MACROD2: variants seen among roughly 807,000 people sequenced by gnomAD.
The protein encoded by MACROD2 is mono-ADP ribosylhydrolase 2.
In MACROD2, 36 loss-of-function variants were observed where a neutral mutation model predicts 70.4. The ratio of observed to expected loss-of-function variants is 0.51; its 90% CI spans 0.39 to 0.68. The LOEUF is 0.68. Ranked by LOEUF, MACROD2 falls within the 30% of genes least tolerant of loss-of-function variation. The pLI is 0.00. For missense variants in MACROD2, 496 were observed against 538.4 expected (o/e 0.92, Z 0.78); for synonymous variants, 172 against 178.8 (o/e 0.96, Z 0.30).
At chr20:15,852,770 T>G (rs911221583) in intron 8 of MACROD2, among the ~76,000 whole-genome samples, 4 of 152,190 alleles carry the variant, frequency 2.6e-5, no homozygotes, top group Non-Finnish European at 2.9e-5. Context: ...CATGGCCTAT[T>G]TTCATGAATG....
At chr20:15,246,762 T>C (rs1309876932) in intron 6 of MACROD2, among the ~76,000 whole-genome samples, 1 of 152,210 alleles carries the variant, frequency 6.6e-6, no homozygotes, top group Non-Finnish European at 1.5e-5. Flanking sequence ...TATAAACTTA[T>C]ACACTAATGT....
intron 5 of MACROD2, among the ~76,000 whole-genome samples, chr20:15,030,558 T>C (rs956655700): frequency 2.0e-5 from 3 of 152,216 alleles, no homozygotes; most frequent in African/African-American, 7.2e-5. Context: ...TTTATTGGCA[T>C]CTTTCTCTCA....
At chr20:14,014,118 TA>T (rs1298728271) in intron 2 of MACROD2, among the ~76,000 whole-genome samples, 2 of 152,210 alleles carry the variant, frequency 1.3e-5, no homozygotes, top group Non-Finnish European at 2.9e-5. Flanking sequence ...ATTATGTTAG[TA>T]AATAAGGATT....
chr20:15,164,722 C>T (rs950042080), intron 5 of MACROD2, among the ~76,000 whole-genome samples: 4 of 152,004 alleles, frequency 2.6e-5, no homozygotes, highest in Admixed American at 6.6e-5. Context: ...ATAGCAAGAC[C>T]TTGTCTCTAC....
Position 15,200,916 on chromosome 20 carries a change from A to G in MACROD2, c.419-29024A>G, listed in dbSNP as rs1010118595. Among the ~76,000 whole-genome samples, 10 of 152,288 alleles carry G rather than the reference A, an allele frequency of 6.6e-5. No homozygotes were observed. In the East Asian group the frequency reaches 1.9e-3, roughly 29 times the overall value. On this transcript the variant is annotated intron_variant, in intron 5 of 17. Transcript: ENST00000684519. Reference sequence around the variant, plus strand: ...ACACTTTGAGTAACAAGGGGTTAGAAGCAAATTATCAACTGGGAGTACATA... The same window carrying G: ...ACACTTTGAGTAACAAGGGGTTAGAGGCAAATTATCAACTGGGAGTACATA...
chr20:15,499,655 T>G, intron 7 of MACROD2, 119 bp from the exon 8 acceptor site: 1 of 823,858 alleles, frequency 1.2e-6, no homozygotes, highest in African/African-American at 1.7e-5. Context: ...CTGAGGCCTG[T>G]ACTTATTGGT....
chr20:15,088,260 T>A (rs1196253179), intron 5 of MACROD2, among the ~76,000 whole-genome samples: 12 of 151,534 alleles, frequency 7.9e-5, no homozygotes, highest in Admixed American at 7.9e-4. Flanking sequence ...ACAATCTGAG[T>A]GTCTTTTGGT....
chr20:14,571,594 C>T (rs986792895), intron 4 of MACROD2, among the ~76,000 whole-genome samples: 23 of 151,948 alleles, frequency 1.5e-4, no homozygotes, highest in African/African-American at 3.6e-4. Context: ...TTGGAGCATG[C>T]GTAGCAAAGA....
chr20:15,540,094 A>G (rs1016845719), intron 8 of MACROD2, among the ~76,000 whole-genome samples: 17 of 152,216 alleles, frequency 1.1e-4, no homozygotes, highest in Admixed American at 7.2e-4. Flanking sequence ...TTGGGCATAG[A>G]GAAGAGTAGG....
At chr20:14,377,349 A>G (rs1198546928) in intron 3 of MACROD2, among the ~76,000 whole-genome samples, 1 of 152,208 alleles carries the variant, frequency 6.6e-6, no homozygotes, top group Non-Finnish European at 1.5e-5. Context: ...GGGATGCTCT[A>G]ATGAGTTGCA....
At chr20:15,233,046 A>G (rs993009747) in intron 6 of MACROD2, among the ~76,000 whole-genome samples, 9 of 151,976 alleles carry the variant, frequency 5.9e-5, no homozygotes, top group Non-Finnish European at 1.3e-4. Flanking sequence ...TCTTATGACC[A>G]CCTAGACAAA....
At chr20:15,146,084 T>C (rs1450254367) in intron 5 of MACROD2, among the ~76,000 whole-genome samples, 1 of 152,184 alleles carries the variant, frequency 6.6e-6, no homozygotes, top group Non-Finnish European at 1.5e-5. Flanking sequence ...GAGCTTTCAA[T>C]CTCATACAGC....
chr20:14,792,384 T>G (rs1158135753), intron 5 of MACROD2, among the ~76,000 whole-genome samples: 1 of 152,120 alleles, frequency 6.6e-6, no homozygotes, highest in Non-Finnish European at 1.5e-5. Flanking sequence ...CACTCCAGTG[T>G]CAGTGCCAGG....
intron 8 of MACROD2, among the ~76,000 whole-genome samples, chr20:15,758,504 T>A (rs2051383303): frequency 6.6e-6 from 1 of 151,438 alleles, no homozygotes; most frequent in Non-Finnish European, 1.5e-5. Flanking sequence ...CCTCCCAAAG[T>A]GCTGGGATTA....
chr20:15,470,352 T>C (rs1246992196), intron 7 of MACROD2, among the ~76,000 whole-genome samples: 2 of 152,188 alleles, frequency 1.3e-5, no homozygotes, highest in Non-Finnish European at 2.9e-5. Context: ...CCCAGCCCTT[T>C]CTGTACAATT....
intron 5 of MACROD2, among the ~76,000 whole-genome samples, chr20:15,184,136 C>G (rs1312067379): frequency 2.6e-5 from 4 of 152,174 alleles, no homozygotes; most frequent in Admixed American, 2.6e-4. Context: ...GTTTATAATA[C>G]TGTGCGGACC....
intron 1 of MACROD2, among the ~76,000 whole-genome samples, chr20:14,000,981 T>C (rs1053819653): frequency 2.5e-4 from 38 of 152,218 alleles, no homozygotes; most frequent in African/African-American, 8.9e-4. Context: ...TTACATTGTT[T>C]TGTTAGTCTG....
chr20:14,044,724 T>G (rs1042978022), intron 2 of MACROD2, among the ~76,000 whole-genome samples: 2 of 152,172 alleles, frequency 1.3e-5, no homozygotes, highest in Non-Finnish European at 1.5e-5. Flanking sequence ...GACATAAAGA[T>G]TCTTCAAGTC....
chr20:14,206,792 G>T (rs555538511), intron 3 of MACROD2, among the ~76,000 whole-genome samples: 1 of 151,958 alleles, frequency 6.6e-6, no homozygotes, highest in East Asian at 1.9e-4. Context: ...CAATAACATG[G>T]TCATATTTCT....
Sources: allele counts gnomAD v4.1 joint callset (sites outside exome capture counted in the v4.1 genomes callset), GRCh38; gene constraint gnomAD v4.1.1; transcripts MANE v1.5; gene names NCBI Gene and HGNC (gene_info 2026-07-23, HGNC 2026-07-21).